Variants in NRF1 observed in about 807,000 individuals in gnomAD.
The protein encoded by NRF1 is alpha palindromic-binding protein.
A neutral mutation model predicts 58.5 loss-of-function variants in NRF1; 5 were observed. The ratio of observed to expected loss-of-function variants is 0.09; its 90% confidence interval spans 0.04 to 0.18. NRF1 has a LOEUF of 0.18. NRF1 is among the 10% of genes least tolerant of loss of function. NRF1 has a pLI of 1.00. For missense variants in NRF1, 288 were observed against 657.7 expected (o/e 0.44, Z 6.15); for synonymous variants, 224 against 246.7 (o/e 0.91, Z 0.86).
chr7:129,619,358 A>G (rs36017781), intron 1 of NRF1, among the ~76,000 whole-genome samples: 38,721 of 135,050 alleles, frequency 0.29, 7,597 homozygotes, highest in Non-Finnish European at 0.42. Flanking sequence ...ATTAAAAAAA[A>G]AAAAATCATT....
chr7:129,637,243 G>T (rs1384515369), intron 1 of NRF1, among the ~76,000 whole-genome samples: 1 of 147,846 alleles, frequency 6.8e-6, no homozygotes, highest in Admixed American at 6.7e-5. Flanking sequence ...TTAAAGAAAA[G>T]GCTCTGCTGA....
At chr7:129,613,065 G>C (rs1800575028) in intron 1 of NRF1, among the ~76,000 whole-genome samples, 1 of 152,158 alleles carries the variant, frequency 6.6e-6, no homozygotes, top group Non-Finnish European at 1.5e-5. Flanking sequence ...ATTTTTTTAA[G>C]TGTTCAGAGA....
chr7:129,640,080 C>T (rs914821490), intron 1 of NRF1, among the ~76,000 whole-genome samples: 1 of 152,142 alleles, frequency 6.6e-6, no homozygotes, highest in African/African-American at 2.4e-5. Flanking sequence ...TGGGAATCAA[C>T]TCTCAAAGTA....
At chr7:129,681,565 G>A (rs1802309465) in intron 4 of NRF1, among the ~76,000 whole-genome samples, 1 of 152,026 alleles carries the variant, frequency 6.6e-6, no homozygotes, top group Non-Finnish European at 1.5e-5. Context: ...TTGATAAGAA[G>A]TATTTATTTA....
rs574614299 is a variant in NRF1, at chr7:129,660,851, C to T, written c.223+3277C>T. ...TCACAGCTCTACTAGGCAGTGCCCC[C>T]GAAGGGACTCTGTGTGAGGTCTCCG... On this transcript the variant is annotated intron_variant, in intron 2 of 10. Coordinates refer to ENST00000393232, the MANE Select transcript of NRF1 (RefSeq NM_005011.5). 2.2e-4 allele frequency among the ~76,000 whole-genome samples: 33 copies of T among 151,060 alleles called. 1 individual carries two copies. In the South Asian group the frequency reaches 5.6e-3, roughly 26 times the overall value.
At chr7:129,628,290 C>T (rs536340836) in intron 1 of NRF1, among the ~76,000 whole-genome samples, 11 of 151,198 alleles carry the variant, frequency 7.3e-5, no homozygotes, top group African/African-American at 9.7e-5. Context: ...GTGATCTGCC[C>T]GTCTCGGTGG....
chr7:129,621,156 A>G (rs1051977351), intron 1 of NRF1, among the ~76,000 whole-genome samples: 1 of 152,144 alleles, frequency 6.6e-6, no homozygotes, highest in Non-Finnish European at 1.5e-5. Flanking sequence ...TAATCTTTGC[A>G]TCTTTGAAAT....
At chr7:129,612,232 G>A (rs1030214755) in intron 1 of NRF1, among the ~76,000 whole-genome samples, 33 of 151,206 alleles carry the variant, frequency 2.2e-4, no homozygotes, top group African/African-American at 7.0e-4. Flanking sequence ...GGAGGTGGGC[G>A]GGCTGCGCGG....
intron 1 of NRF1, among the ~76,000 whole-genome samples, chr7:129,656,004 A>G (rs1801645902): frequency 6.6e-6 from 1 of 152,128 alleles, no homozygotes; most frequent in Admixed American, 6.6e-5. Flanking sequence ...CCATGCATTC[A>G]TCGATGGTCA....
chr7:129,669,016 C>T (rs1000209702), intron 2 of NRF1, among the ~76,000 whole-genome samples: 1 of 152,086 alleles, frequency 6.6e-6, no homozygotes, highest in African/African-American at 2.4e-5. Flanking sequence ...GGAGTGATCT[C>T]GGTTCACTGC....
chr7:129,738,382 G>T (rs2116287163), intron 10 of NRF1, among the ~76,000 whole-genome samples: 1 of 152,346 alleles, frequency 6.6e-6, no homozygotes, highest in Admixed American at 6.5e-5. Flanking sequence ...ATGTGGTGCA[G>T]CACCTTGGGA....
At chr7:129,625,318 G>A (rs1300414498) in intron 1 of NRF1, among the ~76,000 whole-genome samples, 2 of 152,100 alleles carry the variant, frequency 1.3e-5, no homozygotes, top group Non-Finnish European at 2.9e-5. Flanking sequence ...CTTCAAGTGA[G>A]GTAGTATTCA....
intron 9 of NRF1, among the ~76,000 whole-genome samples, chr7:129,719,497 AACACACACACACACAC>A (rs67443980): frequency 0.011 from 1,536 of 141,984 alleles, 22 homozygotes; most frequent in East Asian, 0.035. Flanking sequence ...AGGAAACTGA[AACACACACACACACAC>A]ACACACACAC....
intron 2 of NRF1, among the ~76,000 whole-genome samples, chr7:129,669,491 A>G (rs1262280339): frequency 6.6e-6 from 1 of 152,210 alleles, no homozygotes; most frequent in Non-Finnish European, 1.5e-5. Flanking sequence ...ATAGATATGT[A>G]TAATAAGATG....
At chr7:129,732,601 T>TGTTG (rs1803607287) in intron 10 of NRF1, among the ~76,000 whole-genome samples, 2 of 150,840 alleles carry the variant, frequency 1.3e-5, no homozygotes, top group South Asian at 4.2e-4. Flanking sequence ...TTGGGGTTTT[T>TGTTG]GTTTGTTTGT....
intron 1 of NRF1, among the ~76,000 whole-genome samples, chr7:129,622,772 G>A (rs1438988684): frequency 1.3e-5 from 2 of 151,938 alleles, no homozygotes; most frequent in Non-Finnish European, 2.9e-5. Flanking sequence ...ATTTCACCAC[G>A]TTAGCTAGGC....
chr7:129,621,822 G>T (rs1182110127), intron 1 of NRF1, among the ~76,000 whole-genome samples: 2 of 140,926 alleles, frequency 1.4e-5, no homozygotes, highest in South Asian at 2.2e-4. Context: ...TCGCTCTGTC[G>T]CCCGGGCTGG....
chr7:129,641,252 CT>C (rs1322244628), intron 1 of NRF1, among the ~76,000 whole-genome samples: 20 of 152,058 alleles, frequency 1.3e-4, no homozygotes, highest in Admixed American at 9.8e-4. Flanking sequence ...TTTTTTACCC[CT>C]GTCATTATTT....
intron 1 of NRF1, among the ~76,000 whole-genome samples, chr7:129,641,074 A>G (rs566428442): frequency 5.1e-4 from 78 of 152,234 alleles, no homozygotes; most frequent in African/African-American, 1.6e-3. Flanking sequence ...TCCCAGTCCT[A>G]CTATCCAGAG....
Sources: allele counts gnomAD v4.1 joint callset (sites outside exome capture counted in the v4.1 genomes callset), GRCh38; gene constraint gnomAD v4.1.1; transcripts MANE v1.5; gene names NCBI Gene and HGNC (gene_info 2026-07-23, HGNC 2026-07-21).